The following HOPX variants were observed in gnomAD, a reference collection of about 807,000 sequenced individuals.
The protein encoded by HOPX is HOP homeobox.
A neutral mutation model predicts 11.8 loss-of-function variants in HOPX; 5 were observed. The ratio of observed to expected loss-of-function variants is 0.43; its 90% confidence interval spans 0.22 to 0.89. The LOEUF is 0.89. Ranked by LOEUF, HOPX falls within the 40% of genes least tolerant of loss-of-function variation. The pLI is 0.28. For synonymous variants in HOPX, 49 were observed against 49.7 expected (o/e 0.99, Z 0.06); for missense variants, 119 against 120.0 (o/e 0.99, Z 0.04).
rs187785730 is a variant in HOPX, at chr4:56,648,641, A to T, written c.*79T>A. ...GGAACATACAACACTATGCTGAAAAACCACAACAGCTTGGTTAAGCGGAGG... is the reference window on the plus strand; with the variant it reads ...GGAACATACAACACTATGCTGAAAATCCACAACAGCTTGGTTAAGCGGAGG... On this transcript the variant is annotated 3_prime_UTR_variant, in exon 4 of 4. Coordinates refer to ENST00000420433, the MANE Select transcript of HOPX (RefSeq NM_032495.6). The T allele has an allele frequency of 2.8e-6, 3 of 1,069,716 alleles. No individual in the cohort carries two copies. Among genetic ancestry groups the T allele is most frequent in the Admixed American group, 4.0e-5 (2 of 50,548 alleles). 66.3% of individuals were successfully genotyped at this position (1,069,716 alleles called of 1,614,324 possible).
Position 56,655,968 on chromosome 4 carries a change from C to T in HOPX, c.87G>A (p.Glu29=), listed in dbSNP as rs11555052. The change falls in exon 3 of 4, where the codon GAG becomes GAA. Residue 29 remains glutamate (E), a synonymous_variant. Transcript: ENST00000420433. The part of the protein sequence containing the change: ...MSAETASGPT[E]DQVEILEYNF... ...TGTACTCCAGGATTTCCACCTGGTC[C>T]TCTGTGGGGCCGCTCGCGGTCTCCG... 34,203 of 1,609,038 alleles carry T rather than the reference C, an allele frequency of 0.021. 809 individuals carry two copies. The highest frequency in any genetic ancestry group is 0.11 in the South Asian group (9,499 of 89,762).
At position 56,657,698 on chromosome 4, in the gene HOPX, ACTT is replaced by A. The variant is rs1341048133; in HGVS notation, c.42+74_42+76del. 29 of 732,300 alleles carry A rather than the reference ACTT, an allele frequency of 4.0e-5. No individual in the cohort carries two copies. In the East Asian group the frequency reaches 5.4e-4, roughly 14 times the overall value. The allele number at this position is 732,300 out of a possible 1,614,324, so 45.4% of individuals were successfully genotyped here. ...GAGAGGGTCATACCAGGTCAGAAAC[ACTT>A]CTTCTTCTGTGTGCACCCATTGCCC... On this transcript the variant is annotated intron_variant, in intron 2 of 3. Coordinates refer to ENST00000420433, the MANE Select transcript of HOPX (RefSeq NM_032495.6).
intron 1 of HOPX, among the ~76,000 whole-genome samples, chr4:56,678,438 ATTTTTTT>A (rs57921708): frequency 4.4e-4 from 44 of 100,266 alleles, no homozygotes; most frequent in African/African-American, 1.3e-3. Context: ...CTAGTCACTG[ATTTTTTT>A]TTTTTTTTTT....
At chr4:56,656,588 A>G in intron 2 of HOPX, 1 of 504,208 alleles carries the variant, frequency 2.0e-6, no homozygotes, top group Non-Finnish European at 2.6e-6. Context: ...TCCTCCAAAA[A>G]AGTTCCCCGC....
chr4:56,651,925 T>C lies in HOPX; in HGVS notation c.199-3128A>G, dbSNP rs1181761269. ...GTGTGTGTGTGTGTGTTTGAAATAATAGAAAACACCAGATCATCCCAACCT... is the reference window on the plus strand; with the variant it reads ...GTGTGTGTGTGTGTGTTTGAAATAACAGAAAACACCAGATCATCCCAACCT... On this transcript the variant is annotated intron_variant, in intron 3 of 3. Transcript: ENST00000420433. 1.5e-4 allele frequency among the ~76,000 whole-genome samples: 23 copies of C among 148,886 alleles called. 1 individual carries two copies. Among genetic ancestry groups the C allele is most frequent in the Admixed American group, 1.5e-3 (22 of 14,784 alleles).
chr4:56,667,890 C>T (rs181088706), intron 1 of HOPX, among the ~76,000 whole-genome samples: 140 of 152,270 alleles, frequency 9.2e-4, no homozygotes, highest in African/African-American at 3.2e-3. Context: ...CCAGGTTTGC[C>T]TGGGACACTT....
intron 3 of HOPX, among the ~76,000 whole-genome samples, chr4:56,651,871 A>AGTGT (rs1223955133): frequency 1.5e-4 from 16 of 109,606 alleles, no homozygotes; most frequent in East Asian, 1.2e-3. Context: ...AGAGAGAGAG[A>AGTGT]GAGTGTGTGT....
chr4:56,655,865 C>T lies in HOPX; in HGVS notation c.190G>A (p.Glu64Lys). The change falls in exon 3 of 4, where the codon GAG becomes AAG. Residue 64 changes from glutamate (E) to lysine (K), a missense_variant. By Grantham distance (56) the Glu-to-Lys change is moderately conservative. Transcript: ENST00000420433. ...IAAEAGLSEE[E>K]TQKWFKQRLA... ...CGCGTGTGGGGACGCACCTGGGTCT[C>T]CTCCTCGGAAAGGCCTGCCTCGGCC... The T allele has an allele frequency of 6.2e-7, 1 of 1,611,316 alleles. No homozygotes were observed.
intron 1 of HOPX, among the ~76,000 whole-genome samples, chr4:56,666,325 G>A (rs751111721): frequency 1.8e-4 from 28 of 152,224 alleles, no homozygotes; most frequent in Non-Finnish European, 3.2e-4. Flanking sequence ...AGTGATGATT[G>A]CTGCCACTTA....
chr4:56,664,229 C>T (rs550359362), intron 1 of HOPX: 3 of 151,676 alleles, frequency 2.0e-5, no homozygotes, highest in African/African-American at 7.3e-5. Context: ...CTCCCAGGTT[C>T]AAGCAATTCT....
chr4:56,669,693 TAATAATAATA>T (rs1560372653), intron 1 of HOPX, among the ~76,000 whole-genome samples: 41 of 108,858 alleles, frequency 3.8e-4, no homozygotes, highest in African/African-American at 1.3e-3. Context: ...ATAATAATAA[TAATAATAATA>T]ACACCAGTAC....
intron 1 of HOPX, chr4:56,662,967 A>C (rs1182979497): frequency 1.3e-5 from 2 of 152,098 alleles, no homozygotes; most frequent in Non-Finnish European, 2.9e-5. Flanking sequence ...CTGCTTCATT[A>C]CTTGGCTACT....
At chr4:56,668,056 C>T (rs1281413849) in intron 1 of HOPX, among the ~76,000 whole-genome samples, 1 of 152,142 alleles carries the variant, frequency 6.6e-6, no homozygotes, top group African/African-American at 2.4e-5. Context: ...TCCTAAGTAA[C>T]TGGGACTGCA....
intron 1 of HOPX, chr4:56,681,041 C>G (rs548351659): frequency 1.1e-5 from 11 of 985,202 alleles, no homozygotes; most frequent in Non-Finnish European, 1.1e-5. Context: ...AAATTCCCCT[C>G]GACCCCATGC....
At chr4:56,677,010 T>G (rs764183574) in intron 1 of HOPX, among the ~76,000 whole-genome samples, 5 of 151,798 alleles carry the variant, frequency 3.3e-5, no homozygotes, top group Non-Finnish European at 7.3e-5. Context: ...AGAATGAGGC[T>G]CCTGGCCACT....
At chr4:56,658,594 T>A (rs918380382) in intron 1 of HOPX, among the ~76,000 whole-genome samples, 9 of 152,248 alleles carry the variant, frequency 5.9e-5, no homozygotes, top group African/African-American at 2.2e-4. Context: ...TGTTACTTCG[T>A]TTCTTCTCTC....
rs1716861943 is a variant in HOPX at position 56,648,556 on chromosome 4, AAT to A, written c.*162_*163del. 1.9e-5 allele frequency: 9 copies of A among 470,528 alleles called. No homozygotes were observed. The Admixed American group carries it at 2.5e-4, about 13-fold the overall frequency. The allele number at this position is 470,528 out of a possible 1,614,324, so 29.1% of individuals were successfully genotyped here. Reference sequence around the variant, plus strand: ...GCTTCCTATTGTTATTTTCTTTTCTAATTATGTACATTTAGAAAAAAAATACA... The same window carrying A: ...GCTTCCTATTGTTATTTTCTTTTCTATATGTACATTTAGAAAAAAAATACA... On this transcript the variant is annotated 3_prime_UTR_variant, in exon 4 of 4. Coordinates refer to ENST00000420433, the MANE Select transcript of HOPX (RefSeq NM_032495.6).
At chr4:56,667,222 A>G (rs912346078) in intron 1 of HOPX, among the ~76,000 whole-genome samples, 1 of 151,872 alleles carries the variant, frequency 6.6e-6, no homozygotes, top group Admixed American at 6.6e-5. Context: ...ATCTTGACAT[A>G]AAAGCATAAG....
Position 56,648,587 on chromosome 4 carries a change from CTG to C in HOPX, c.*131_*132del. 1 of 556,034 alleles carries C rather than the reference CTG, an allele frequency of 1.8e-6. No homozygotes were observed. The highest frequency in any genetic ancestry group is 2.7e-5 in the East Asian group (1 of 36,852). The allele number at this position is 556,034 out of a possible 1,614,324, so 34.4% of individuals were successfully genotyped here. ...GTACATTTAGAAAAAAAATACAACACTGTGTTAAACAGCAGGACAGCTAGCAA... is the reference window on the plus strand; with the variant it reads ...GTACATTTAGAAAAAAAATACAACACTGTTAAACAGCAGGACAGCTAGCAA... On this transcript the variant is annotated 3_prime_UTR_variant, in exon 4 of 4. Coordinates refer to ENST00000420433, the MANE Select transcript of HOPX (RefSeq NM_032495.6).
Sources: gnomAD v4.1 joint callset for allele counts (sites outside exome capture counted in the v4.1 genomes callset) on GRCh38, gnomAD v4.1.1 for gene constraint, MANE v1.5 for transcripts, NCBI Gene and HGNC (gene_info 2026-07-23, HGNC 2026-07-21) for gene names.